MACROH2A2: variants seen among roughly 807,000 people sequenced by gnomAD.
MACROH2A2 encodes the protein core histone macro-H2A.2.
A neutral mutation model predicts 37.6 loss-of-function variants in MACROH2A2; 6 were observed. That is an observed-to-expected ratio of 0.16 (90% CI 0.09 to 0.32). The LOEUF (loss-of-function observed/expected upper bound fraction) is 0.32. MACROH2A2 is among the 10% of genes least tolerant of loss of function. MACROH2A2 has a pLI of 1.00. For synonymous variants in MACROH2A2, 192 were observed against 202.7 expected (o/e 0.95, Z 0.45); for missense variants, 290 against 485.9 (o/e 0.60, Z 3.79).
At chr10:70,106,910 C>G (rs1243129867) in intron 7 of MACROH2A2, among the ~76,000 whole-genome samples, 1 of 152,028 alleles carries the variant, frequency 6.6e-6, no homozygotes, top group African/African-American at 2.4e-5. Context: ...CTGTAACAAG[C>G]CAAACTCTGT....
chr10:70,106,802 C>CAAA lies in MACROH2A2; in HGVS notation c.779-2213_779-2211dup, dbSNP rs56986649. Among the ~76,000 whole-genome samples, 230 of 65,352 alleles carry CAAA rather than the reference C, an allele frequency of 3.5e-3. 1 individual carries two copies. Among genetic ancestry groups the CAAA allele is most frequent in the African/African-American group, 0.012 (213 of 17,598 alleles). 42.9% of individuals were successfully genotyped at this position (65,352 alleles called of 152,430 possible). A position where few individuals can be genotyped will look rare whatever the true frequency, so the allele number is the denominator to read the frequency against. On this transcript the variant is annotated intron_variant, in intron 7 of 8. Coordinates refer to ENST00000373255, the MANE Select transcript of MACROH2A2 (RefSeq NM_018649.3). ...TGGGCAACAGAGGGGCATCCTGTCTCAAAAAAAAAAAAAAAAAAAAGACTT... is the reference window on the plus strand; with the variant it reads ...TGGGCAACAGAGGGGCATCCTGTCTCAAAAAAAAAAAAAAAAAAAAAAAGACTT...
At chr10:70,058,225 T>G (rs550306327) in intron 1 of MACROH2A2, among the ~76,000 whole-genome samples, 6 of 152,360 alleles carry the variant, frequency 3.9e-5, no homozygotes, top group Non-Finnish European at 2.9e-5. Flanking sequence ...AAGCCCTTAC[T>G]GTTCATTTAT....
chr10:70,095,269 G>A (rs1336164037), intron 5 of MACROH2A2, among the ~76,000 whole-genome samples: 1 of 151,954 alleles, frequency 6.6e-6, no homozygotes, highest in Non-Finnish European at 1.5e-5. Context: ...TCAGGAGGCT[G>A]AGGCAGGAGA....
At chr10:70,067,518 A>G (rs1287144875) in intron 1 of MACROH2A2, among the ~76,000 whole-genome samples, 2 of 152,334 alleles carry the variant, frequency 1.3e-5, no homozygotes, top group Middle Eastern at 3.4e-3. Flanking sequence ...TGAGCACTAT[A>G]CTCAGTTCTG....
chr10:70,103,392 G>A (rs2072317722), intron 7 of MACROH2A2, among the ~76,000 whole-genome samples: 1 of 152,160 alleles, frequency 6.6e-6, no homozygotes, highest in South Asian at 2.1e-4. Context: ...TTTTTAAATA[G>A]AGATGGGTTC....
intron 1 of MACROH2A2, among the ~76,000 whole-genome samples, chr10:70,061,603 A>G (rs1252192103): frequency 6.6e-6 from 1 of 152,072 alleles, no homozygotes; most frequent in Non-Finnish European, 1.5e-5. Flanking sequence ...AAATGCCCCT[A>G]CCCCTTGTCC....
intron 6 of MACROH2A2, chr10:70,098,376 A>C (rs2072287453): frequency 7.2e-6 from 1 of 138,734 alleles, no homozygotes; most frequent in Non-Finnish European, 1.6e-5. Context: ...GTAGAGAAGG[A>C]AGGAGGGAGG....
At chr10:70,101,360 G>A (rs1031748526) in intron 7 of MACROH2A2, among the ~76,000 whole-genome samples, 1 of 152,194 alleles carries the variant, frequency 6.6e-6, no homozygotes, top group Non-Finnish European at 1.5e-5. Context: ...TCGATCCTGG[G>A]AGAGCAAGGA....
intron 2 of MACROH2A2, among the ~76,000 whole-genome samples, chr10:70,085,286 G>T (rs894917394): frequency 6.6e-6 from 1 of 152,176 alleles, no homozygotes; most frequent in African/African-American, 2.4e-5. Context: ...CCCAGGTGAG[G>T]CTATCTGGGT....
intron 2 of MACROH2A2, among the ~76,000 whole-genome samples, chr10:70,086,115 A>C (rs2072209555): frequency 6.6e-6 from 1 of 151,826 alleles, no homozygotes; most frequent in Non-Finnish European, 1.5e-5. Flanking sequence ...CTCCCACCCC[A>C]GCCTCCCAAA....
intron 2 of MACROH2A2, among the ~76,000 whole-genome samples, chr10:70,081,721 G>A (rs796993579): frequency 2.6e-5 from 4 of 152,004 alleles, no homozygotes; most frequent in African/African-American, 9.7e-5. Context: ...GAGGGGGTGG[G>A]GACTCTTCAC....
At chr10:70,079,565 G>GCGCGCACACA (rs1386558755) in intron 2 of MACROH2A2, among the ~76,000 whole-genome samples, 102 of 126,258 alleles carry the variant, frequency 8.1e-4, no homozygotes, top group Middle Eastern at 4.0e-3. Context: ...GCGCGCGCGC[G>GCGCGCACACA]CACACACACA....
chr10:70,100,628 T>TTC (rs2072301455), intron 7 of MACROH2A2, among the ~76,000 whole-genome samples: 1 of 151,262 alleles, frequency 6.6e-6, no homozygotes, highest in Non-Finnish European at 1.5e-5. Context: ...TTTTTTTTTT[T>TTC]TTTTTTGAGA....
chr10:70,111,775 G>C lies in MACROH2A2; in HGVS notation c.*92G>C, dbSNP rs1441254179. Reference sequence around the variant, plus strand: ...AAGGAGAGAGGAGGGGTGATGGCAGGGGAGTGGAGGGTGGCCGGGCAGGTC... The same window carrying C: ...AAGGAGAGAGGAGGGGTGATGGCAGCGGAGTGGAGGGTGGCCGGGCAGGTC... On this transcript the variant is annotated 3_prime_UTR_variant, in exon 9 of 9. Transcript: ENST00000373255. 1 of 1,149,618 alleles carries C rather than the reference G, an allele frequency of 8.7e-7. No individual in the cohort carries two copies. The highest frequency in any genetic ancestry group is 1.6e-5 in the African/African-American group (1 of 63,352). 71.2% of individuals were successfully genotyped at this position (1,149,618 alleles called of 1,614,324 possible).
At position 70,109,024 on chromosome 10, in the gene MACROH2A2, A is replaced by T. The variant is rs1314806906; in HGVS notation, c.779-9A>T. The T allele has an allele frequency of 6.2e-7, 1 of 1,613,532 alleles. No individual in the cohort carries two copies. The highest frequency in any genetic ancestry group is 1.1e-5 in the South Asian group (1 of 91,074). ...AATAACCCGCGGCATTTTCTCTCCTATGTCCCAGCCGCCGTCAGCCAATCC... is the reference window on the plus strand; with the variant it reads ...AATAACCCGCGGCATTTTCTCTCCTTTGTCCCAGCCGCCGTCAGCCAATCC... On this transcript the variant is annotated splice_polypyrimidine_tract_variant and intron_variant, in intron 7 of 8. Transcript: ENST00000373255.
At chr10:70,089,290 G>A (rs1210203457) in intron 2 of MACROH2A2, among the ~76,000 whole-genome samples, 2 of 152,162 alleles carry the variant, frequency 1.3e-5, no homozygotes, top group African/African-American at 2.4e-5. Flanking sequence ...CAACAAGAGA[G>A]TTTATTTCAC....
At chr10:70,055,865 G>A (rs1326819832) in intron 1 of MACROH2A2, among the ~76,000 whole-genome samples, 1 of 152,082 alleles carries the variant, frequency 6.6e-6, no homozygotes, top group Non-Finnish European at 1.5e-5. Flanking sequence ...TTCTGAAGTA[G>A]AAAACAGCCT....
At chr10:70,088,455 C>T (rs938771389) in intron 2 of MACROH2A2, among the ~76,000 whole-genome samples, 3 of 152,094 alleles carry the variant, frequency 2.0e-5, no homozygotes, top group African/African-American at 4.8e-5. Context: ...AGAAAAATAA[C>T]GAAATAAAAC....
chr10:70,075,601 A>G lies in MACROH2A2; in HGVS notation c.-58A>G, dbSNP rs555829563. 3 of 1,522,910 alleles carry G rather than the reference A, an allele frequency of 2.0e-6. No homozygotes were observed. Among genetic ancestry groups the G allele is most frequent in the Admixed American group, 3.4e-5 (2 of 58,940 alleles). The allele number at this position is 1,522,910 out of a possible 1,614,324, so 94.3% of individuals were successfully genotyped here. On this transcript the variant is annotated splice_region_variant and 5_prime_UTR_variant, in exon 2 of 9. Coordinates refer to ENST00000373255, the MANE Select transcript of MACROH2A2 (RefSeq NM_018649.3). This position sits in a 1 kb window ranked among gnomAD's most constrained non-coding sequence, Gnocchi z 5.0. ...AACTCTGTCTTCTTTCCTTTTTAGC[A>G]TTGTGTTAGTGCCGGGAGGCCACTG...
Sources: allele counts gnomAD v4.1 joint callset (sites outside exome capture counted in the v4.1 genomes callset), GRCh38; gene constraint gnomAD v4.1.1; non-coding constraint Gnocchi (gnomAD v3.1); transcripts MANE v1.5; gene names NCBI Gene and HGNC (gene_info 2026-07-23, HGNC 2026-07-21).